The following MBD5 variants were observed in gnomAD, a reference collection of about 807,000 sequenced individuals.
MBD5 encodes the protein methyl-CpG-binding domain protein 5.
MBD5 carries 13 observed loss-of-function variants against 117.3 expected under a neutral mutation model. That is an observed-to-expected ratio of 0.11 (90% CI 0.07 to 0.18). The LOEUF is 0.18. MBD5 is among the 10% of genes least tolerant of loss of function. The pLI, the probability that MBD5 is intolerant of heterozygous loss-of-function variation, is 1.00. For missense variants in MBD5, 1,879 were observed against 2,093.8 expected, an observed-to-expected ratio of 0.90 and a Z score of 2.00; for synonymous variants, 727 against 766.4, an observed-to-expected ratio of 0.95 and a Z score of 0.85.
At chr2:148,299,771 A>G (rs895939921) in intron 3 of MBD5, among the ~76,000 whole-genome samples, 2 of 152,194 alleles carry the variant, frequency 1.3e-5, no homozygotes, top group African/African-American at 4.8e-5. Context: ...TCCATTTTCA[A>G]AAATGTCTGA....
intron 3 of MBD5, among the ~76,000 whole-genome samples, chr2:148,283,795 C>A (rs1425979225): frequency 6.6e-6 from 1 of 152,096 alleles, no homozygotes; most frequent in African/African-American, 2.4e-5. Flanking sequence ...CTCTGGGAGC[C>A]CAGAAAAAAA....
chr2:148,255,578 G>T (rs950167960), intron 3 of MBD5, among the ~76,000 whole-genome samples: 1 of 152,180 alleles, frequency 6.6e-6, no homozygotes, highest in Non-Finnish European at 1.5e-5. Context: ...GGTAACAACA[G>T]GTTACCATTC....
chr2:148,397,828 G>C (rs1288183433), intron 4 of MBD5, among the ~76,000 whole-genome samples: 21 of 137,646 alleles, frequency 1.5e-4, no homozygotes, highest in Non-Finnish European at 2.7e-4. Context: ...ACAGGCCCCA[G>C]TGTGTGATGT....
intron 1 of MBD5, among the ~76,000 whole-genome samples, chr2:148,034,811 T>C (rs1040466387): frequency 6.6e-6 from 1 of 152,226 alleles, no homozygotes; most frequent in Admixed American, 6.5e-5. Context: ...AGTTAAGTGC[T>C]GAGCTTATCA....
intron 8 of MBD5, among the ~76,000 whole-genome samples, chr2:148,481,276 C>T (rs187707056): frequency 5.8e-4 from 88 of 151,924 alleles, no homozygotes; most frequent in African/African-American, 1.5e-3. Context: ...AATATAAATA[C>T]GAAGTCTATT....
At chr2:148,416,158 T>G (rs1419230238) in intron 4 of MBD5, among the ~76,000 whole-genome samples, 1 of 152,156 alleles carries the variant, frequency 6.6e-6, no homozygotes, top group African/African-American at 2.4e-5. Context: ...TCTTTAATGC[T>G]TTTGCATTTG....
chr2:148,266,098 A>G (rs1472506119), intron 3 of MBD5, among the ~76,000 whole-genome samples: 1 of 152,168 alleles, frequency 6.6e-6, no homozygotes, highest in East Asian at 1.9e-4. Flanking sequence ...AGAAAGAAAA[A>G]TTATAGGACA....
intron 11 of MBD5, among the ~76,000 whole-genome samples, chr2:148,493,550 C>T (rs73003513): frequency 0.095 from 14,452 of 152,136 alleles, 812 homozygotes; most frequent in East Asian, 0.17. Flanking sequence ...TTTTAGGTTG[C>T]GTGAATGGTC....
At position 148,516,389 on chromosome 2, in the gene MBD5, C is replaced by T. The variant is rs1464378722; in HGVS notation, c.*3448C>T. 1 of 152,124 alleles carries T rather than the reference C, an allele frequency of 6.6e-6. No individual in the cohort carries two copies. The highest frequency in any genetic ancestry group is 2.4e-5 in the African/African-American group (1 of 41,420). 9.4% of individuals were successfully genotyped at this position (152,124 alleles called of 1,614,324 possible). ...AAATTGGATATCTTATTTACTTTGCCCATTTATGCCCGAATGGTGTAATGC... is the reference window on the plus strand; with the variant it reads ...AAATTGGATATCTTATTTACTTTGCTCATTTATGCCCGAATGGTGTAATGC... On this transcript the variant is annotated 3_prime_UTR_variant, in exon 14 of 14. Transcript: ENST00000642680.
intron 3 of MBD5, among the ~76,000 whole-genome samples, chr2:148,327,502 T>C (rs1435109940): frequency 6.6e-6 from 1 of 152,200 alleles, no homozygotes; most frequent in East Asian, 1.9e-4. Context: ...ATTTGGTCTT[T>C]TCACATAGTC....
At position 148,483,081 on chromosome 2, in the gene MBD5, G is replaced by A. The variant is rs537126937; in HGVS notation, c.2519-29G>A. ...CATAACATTCATGATTAATAACTGG[G>A]TTTTGTGTTTTTTTTTTTTTCATTT... On this transcript the variant is annotated intron_variant, in intron 8 of 13. Coordinates refer to ENST00000642680, the MANE Select transcript of MBD5 (RefSeq NM_001378120.1). 2.0e-6 allele frequency: 3 copies of A among 1,537,002 alleles called. No homozygotes were observed. In the Admixed American group the frequency reaches 5.9e-5, roughly 30 times the overall value.
At chr2:148,324,665 G>T (rs1276563143) in intron 3 of MBD5, among the ~76,000 whole-genome samples, 1 of 151,978 alleles carries the variant, frequency 6.6e-6, no homozygotes, top group African/African-American at 2.4e-5. Flanking sequence ...GAATGCTTGT[G>T]ATTTTTGTAC....
At chr2:148,207,253 A>T (rs1699305917) in intron 2 of MBD5, among the ~76,000 whole-genome samples, 1 of 152,144 alleles carries the variant, frequency 6.6e-6, no homozygotes, top group Non-Finnish European at 1.5e-5. Flanking sequence ...ACACTCACAT[A>T]ATCTCTTGTT....
chr2:148,303,364 A>T (rs918880800), intron 3 of MBD5, among the ~76,000 whole-genome samples: 2 of 152,234 alleles, frequency 1.3e-5, no homozygotes, highest in Admixed American at 1.3e-4. Flanking sequence ...TGGTAGGGAA[A>T]AGTCTGTGTG....
chr2:148,438,319 T>A (rs1221224431), intron 4 of MBD5, among the ~76,000 whole-genome samples: 1 of 152,234 alleles, frequency 6.6e-6, no homozygotes, highest in Non-Finnish European at 1.5e-5. Context: ...CGTAGTGGTC[T>A]ACACATTTTG....
At chr2:148,459,998 A>G (rs1272546272) in intron 5 of MBD5, among the ~76,000 whole-genome samples, 1 of 152,162 alleles carries the variant, frequency 6.6e-6, no homozygotes, top group African/African-American at 2.4e-5. Context: ...TGAGATGAAC[A>G]AGCACACATG....
At chr2:148,059,856 A>G (rs912341439) in intron 1 of MBD5, among the ~76,000 whole-genome samples, 4 of 151,800 alleles carry the variant, frequency 2.6e-5, no homozygotes, top group African/African-American at 9.7e-5. Flanking sequence ...AAAAAAAAAA[A>G]AAAGACAAAG....
chr2:148,469,895 A>G lies in MBD5; in HGVS notation c.1952A>G (p.Gln651Arg). 1 of 1,613,970 alleles carries G rather than the reference A, an allele frequency of 6.2e-7. No homozygotes were observed. The highest frequency in any genetic ancestry group is 8.5e-7 in the Non-Finnish European group (1 of 1,179,870). Residue 651 changes from glutamine to arginine, a missense_variant, in exon 8 of 14, where the codon CAG (glutamine) becomes CGG (arginine). Coordinates refer to ENST00000642680, the MANE Select transcript of MBD5 (RefSeq NM_001378120.1). ...GCACTAAGAGATAAGCTGATGTCTC[A>G]GCAAAAAGACGCATTGCGGAAAAGA... ...RAALRDKLMS[Q>R]QKDALRKRKQ...
At chr2:148,022,009 A>ACTTT (rs1162138281) in intron 1 of MBD5, among the ~76,000 whole-genome samples, 2 of 152,114 alleles carry the variant, frequency 1.3e-5, no homozygotes, top group South Asian at 2.1e-4. Flanking sequence ...AGGGAAAGAG[A>ACTTT]CAGAAAGAGG....
Sources: allele counts gnomAD v4.1 joint callset (sites outside exome capture counted in the v4.1 genomes callset), GRCh38; gene constraint gnomAD v4.1.1; transcripts MANE v1.5; gene names NCBI Gene and HGNC (gene_info 2026-07-23, HGNC 2026-07-21).